Variants in ADCY1 observed in about 807,000 individuals in gnomAD.
ADCY1 encodes adenylate cyclase 1, also known as adenylate cyclase type 1.
ADCY1 carries 28 observed loss-of-function variants against 105.4 expected under a neutral mutation model. The ratio of observed to expected loss-of-function variants is 0.27; its 90% CI spans 0.20 to 0.36. The LOEUF is 0.36. Among genes scored for constraint, ADCY1 ranks in the 10% least tolerant of loss-of-function variants. The probability of loss-of-function intolerance (pLI) is 1.00; values close to 1 mark genes in which losing one functional copy is unlikely to be tolerated. For missense variants in ADCY1, 977 were observed against 1,434.2 expected (o/e 0.68, Z 5.15); for synonymous variants, 655 against 623.8 (o/e 1.05, Z -0.75).
rs988770292 is a variant in ADCY1 at position 45,575,645 on chromosome 7, C to T, written c.639+463C>T. On this transcript the variant is annotated intron_variant, in intron 1 of 19. Coordinates refer to ENST00000297323, the MANE Select transcript of ADCY1 (RefSeq NM_021116.4). This position sits in a 1 kb window ranked among gnomAD's most constrained non-coding sequence, Gnocchi z 4.7. ...CCTAGAGCGCGTGCTGGGCTCGCCT[C>T]CCAACCCTGCGGACCCGAGGGTGGT... 6.6e-6 allele frequency among the ~76,000 whole-genome samples: 1 copy of T among 152,262 alleles called. No homozygotes were observed. Among genetic ancestry groups the T allele is most frequent in the Non-Finnish European group, 1.5e-5 (1 of 68,052 alleles).
chr7:45,591,772 G>T lies in ADCY1; in HGVS notation c.640-987G>T, dbSNP rs1481688548. ...CAGATGAGGAGACCGGCAGCAGGCA[G>T]TGGGGAGTGGGAAGTGATTGTGGAG... On this transcript the variant is annotated intron_variant, in intron 1 of 19. Coordinates refer to ENST00000297323, the MANE Select transcript of ADCY1 (RefSeq NM_021116.4). The surrounding 1 kb of genome is among the most constrained non-coding windows in gnomAD (Gnocchi z 4.1). 5.3e-5 allele frequency among the ~76,000 whole-genome samples: 8 copies of T among 152,240 alleles called. No homozygotes were observed. The highest frequency in any genetic ancestry group is 4.4e-5 in the Non-Finnish European group (3 of 68,034).
intron 4 of ADCY1, among the ~76,000 whole-genome samples, chr7:45,646,351 G>A (rs1376184119): frequency 6.6e-6 from 1 of 152,178 alleles, no homozygotes; most frequent in Non-Finnish European, 1.5e-5. Context: ...ATTCAAGCTG[G>A]GCCCTGAGGG....
chr7:45,668,401 C>T (rs1351027629), intron 8 of ADCY1, among the ~76,000 whole-genome samples: 3 of 152,074 alleles, frequency 2.0e-5, no homozygotes, highest in Non-Finnish European at 2.9e-5. Flanking sequence ...CAGTTTTTGT[C>T]GTTGGTTCTG....
chr7:45,619,629 CT>C (rs1381534145), intron 3 of ADCY1, among the ~76,000 whole-genome samples: 1 of 152,032 alleles, frequency 6.6e-6, no homozygotes, highest in African/African-American at 2.4e-5. Flanking sequence ...TTACTGTAAC[CT>C]AAGTAAGAGA....
intron 4 of ADCY1, among the ~76,000 whole-genome samples, chr7:45,638,658 A>T (rs906858474): frequency 6.6e-6 from 1 of 152,164 alleles, no homozygotes; most frequent in Non-Finnish European, 1.5e-5. Context: ...GTTGTTGGAC[A>T]TGCAGGTGGC....
chr7:45,668,918 A>G (rs1201313620), intron 8 of ADCY1, among the ~76,000 whole-genome samples: 1 of 152,188 alleles, frequency 6.6e-6, no homozygotes, highest in Non-Finnish European at 1.5e-5. Context: ...TTATTTGCGT[A>G]GAAGTGTTTA....
chr7:45,670,529 G>A (rs947345019), intron 8 of ADCY1, among the ~76,000 whole-genome samples: 2 of 152,096 alleles, frequency 1.3e-5, no homozygotes, highest in Admixed American at 1.3e-4. Flanking sequence ...CATCAGCCCC[G>A]ACCACAGGGA....
At chr7:45,576,499 G>A (rs1393248222) in intron 1 of ADCY1, among the ~76,000 whole-genome samples, 2 of 152,246 alleles carry the variant, frequency 1.3e-5, no homozygotes, top group South Asian at 2.1e-4. Context: ...CAAAGAGGGC[G>A]TCGGAGGAAG....
chr7:45,615,409 A>G (rs1793711250), intron 3 of ADCY1, among the ~76,000 whole-genome samples: 1 of 152,154 alleles, frequency 6.6e-6, no homozygotes, highest in African/African-American at 2.4e-5. Flanking sequence ...ACTAGCCTAG[A>G]CAACATAGTA....
At chr7:45,646,294 G>A (rs1420591017) in intron 4 of ADCY1, among the ~76,000 whole-genome samples, 3 of 152,180 alleles carry the variant, frequency 2.0e-5, no homozygotes, top group African/African-American at 7.2e-5. Context: ...AGTTTTGCAG[G>A]ACAGAGACTG....
intron 2 of ADCY1, among the ~76,000 whole-genome samples, chr7:45,601,000 T>G (rs1793215558): frequency 6.6e-6 from 1 of 152,184 alleles, no homozygotes; most frequent in South Asian, 2.1e-4. Context: ...AGGGTCACAA[T>G]TTAGTCCATA....
chr7:45,575,596 A>G lies in ADCY1; in HGVS notation c.639+414A>G, dbSNP rs1362883055. 6.6e-6 allele frequency among the ~76,000 whole-genome samples: 1 copy of G among 152,144 alleles called. No individual in the cohort carries two copies. Among genetic ancestry groups the G allele is most frequent in the Non-Finnish European group, 1.5e-5 (1 of 68,024 alleles). On this transcript the variant is annotated intron_variant, in intron 1 of 19. Transcript: ENST00000297323. This position sits in a 1 kb window ranked among gnomAD's most constrained non-coding sequence, Gnocchi z 4.7. ...AAGCTCCAAGGCCGGCTCTGCGCGC[A>G]GCGCTGGGCTCTTCCCCTGCGCACC...
Position 45,656,070 on chromosome 7 carries a change from G to A in ADCY1, c.1149-1657G>A, listed in dbSNP as rs866789365. On this transcript the variant is annotated intron_variant, in intron 5 of 19. Transcript: ENST00000297323. ...TGGGAGGCCAAGGCAGGCAGATCACGAGGTCAGGAGATTGAGACCATCCTG... is the reference window on the plus strand; with the variant it reads ...TGGGAGGCCAAGGCAGGCAGATCACAAGGTCAGGAGATTGAGACCATCCTG... Among the ~76,000 whole-genome samples the A allele has an allele frequency of 2.0e-4, 31 of 152,028 alleles. 1 individual carries two copies. The highest frequency in any genetic ancestry group is 6.8e-3 in the Middle Eastern group (2 of 294).
intron 10 of ADCY1, among the ~76,000 whole-genome samples, chr7:45,678,622 G>A (rs67600890): frequency 0.14 from 21,476 of 151,028 alleles, 1,631 homozygotes; most frequent in Middle Eastern, 0.18. Flanking sequence ...GCTCATACCT[G>A]TAACCCCAGC....
intron 4 of ADCY1, 52 bp from the exon 5 acceptor site, chr7:45,648,618 T>G (rs1259732121): frequency 3.1e-6 from 5 of 1,609,832 alleles, no homozygotes; most frequent in African/African-American, 1.3e-5. Context: ...GCAGTGGCGC[T>G]CACAGCCTCT....
At chr7:45,657,919 G>GGGGGGT in intron 6 of ADCY1, 34 bp downstream of exon 6, 1 of 1,470,500 alleles carries the variant, frequency 6.8e-7, no homozygotes, top group Non-Finnish European at 9.3e-7. Context: ...GGGGAGGGAG[G>GGGGGGT]TGGGTGATGG....
chr7:45,591,781 G>A lies in ADCY1; in HGVS notation c.640-978G>A, dbSNP rs564845383. Among the ~76,000 whole-genome samples, 1 of 152,338 alleles carries A rather than the reference G, an allele frequency of 6.6e-6. No individual in the cohort carries two copies. The highest frequency in any genetic ancestry group is 2.4e-5 in the African/African-American group (1 of 41,578). ...AGACCGGCAGCAGGCAGTGGGGAGT[G>A]GGAAGTGATTGTGGAGGGGAACCCT... is the stretch of plus-strand genomic sequence containing the variant. On this transcript the variant is annotated intron_variant, in intron 1 of 19. Coordinates refer to ENST00000297323, the MANE Select transcript of ADCY1 (RefSeq NM_021116.4). This position sits in a 1 kb window ranked among gnomAD's most constrained non-coding sequence, Gnocchi z 4.1.
intron 4 of ADCY1, among the ~76,000 whole-genome samples, chr7:45,641,763 A>G (rs1794530019): frequency 6.9e-6 from 1 of 143,926 alleles, no homozygotes. Flanking sequence ...CGTCTCTACT[A>G]AAAATACAAA....
At chr7:45,602,361 G>A (rs1050468330) in intron 2 of ADCY1, among the ~76,000 whole-genome samples, 4 of 152,034 alleles carry the variant, frequency 2.6e-5, no homozygotes, top group Non-Finnish European at 4.4e-5. Flanking sequence ...TTCCTCCTCC[G>A]CTGCCTGCAG....
Sources: gnomAD v4.1 joint callset for allele counts (sites outside exome capture counted in the v4.1 genomes callset) on GRCh38, gnomAD v4.1.1 for gene constraint, Gnocchi (gnomAD v3.1) non-coding constraint, MANE v1.5 for transcripts, NCBI Gene and HGNC (gene_info 2026-07-23, HGNC 2026-07-21) for gene names.